The following SLC33A1 variants were observed in gnomAD, a reference collection of about 807,000 sequenced individuals.
SLC33A1 encodes the protein acetyl-coenzyme A transporter 1.
In SLC33A1, 20 loss-of-function variants were observed where a neutral mutation model predicts 50.0. The observed-to-expected ratio is 0.40, with a 90% CI of 0.28 to 0.58. SLC33A1 has a LOEUF of 0.58. SLC33A1 is among the 20% of genes least tolerant of loss of function. The pLI is 0.44. For missense variants in SLC33A1, 476 were observed against 657.0 expected (o/e 0.72, Z 3.01); for synonymous variants, 265 against 251.8 (o/e 1.05, Z -0.50).
intron 1 of SLC33A1, among the ~76,000 whole-genome samples, chr3:155,846,109 T>C (rs1032117676): frequency 2.6e-5 from 4 of 152,232 alleles, no homozygotes; most frequent in African/African-American, 7.2e-5. Context: ...AATTCATTAG[T>C]AACCAATAAA....
At chr3:155,834,764 T>A (rs771093879) in intron 2 of SLC33A1, among the ~76,000 whole-genome samples, 1 of 152,184 alleles carries the variant, frequency 6.6e-6, no homozygotes, top group Non-Finnish European at 1.5e-5. Flanking sequence ...TGGCTTTCAG[T>A]ATAATTCCCT....
In SLC33A1 at chr3:155,853,973, C is replaced by A. The variant is rs973464350; in HGVS notation, c.25G>T (p.Asp9Tyr). 6.5e-7 allele frequency: 1 copy of A among 1,545,564 alleles called. No individual in the cohort carries two copies. Among genetic ancestry groups the A allele is most frequent in the African/African-American group, 1.4e-5 (1 of 72,220 alleles). ...CCTGGCCGCCGTTGCCGGCTGCTGTCCTTGTGGGAGATGGTGGGTGACATA... is the reference window on the plus strand; with the variant it reads ...CCTGGCCGCCGTTGCCGGCTGCTGTACTTGTGGGAGATGGTGGGTGACATA... MSPTISHKDSSRQRRPGNF... is the reference protein window; with the variant it reads MSPTISHKYSSRQRRPGNF... Residue 9 changes from aspartate (D) to tyrosine (Y), a missense_variant, in exon 1 of 6, where the codon GAC becomes TAC. Asp to Tyr is a radical substitution (Grantham distance 160, BLOSUM62 -3). Coordinates refer to ENST00000643144, the MANE Select transcript of SLC33A1 (RefSeq NM_004733.4).
chr3:155,841,454 T>C (rs1036212362), intron 2 of SLC33A1, among the ~76,000 whole-genome samples: 6 of 152,200 alleles, frequency 3.9e-5, no homozygotes, highest in African/African-American at 1.4e-4. Context: ...AAAGTGTTTA[T>C]ATACATAGAT....
chr3:155,847,120 A>T (rs1390998350), intron 1 of SLC33A1, among the ~76,000 whole-genome samples: 1 of 152,088 alleles, frequency 6.6e-6, no homozygotes, highest in African/African-American at 2.4e-5. Context: ...AGGCATGAGA[A>T]TCGCTTGAAT....
chr3:155,837,303 C>A lies in SLC33A1; in HGVS notation c.964-3262G>T, dbSNP rs574418095. Among the ~76,000 whole-genome samples the A allele has an allele frequency of 2.0e-5, 3 of 150,182 alleles. No homozygotes were observed. In the South Asian group the frequency reaches 6.3e-4, roughly 31 times the overall value. ...CCCAGGAGGCAGAGCTTGCAGTGAG[C>A]CGAGATCGCGCCACTGCACTCCAGC... On this transcript the variant is annotated intron_variant, in intron 2 of 5. Coordinates refer to ENST00000643144, the MANE Select transcript of SLC33A1 (RefSeq NM_004733.4).
chr3:155,853,177 C>G, intron 1 of SLC33A1, 46 bp downstream of exon 1: 1 of 1,536,828 alleles, frequency 6.5e-7, no homozygotes, highest in Non-Finnish European at 9.0e-7. Context: ...CACACTCTTT[C>G]AAAAGGATAA....
In SLC33A1 at chr3:155,831,794, T is replaced by C. The variant is rs138453755; in HGVS notation, c.1266+1674A>G. Among the ~76,000 whole-genome samples, 3 of 152,320 alleles carry C rather than the reference T, an allele frequency of 2.0e-5. No homozygotes were observed. The East Asian group carries it at 5.8e-4, about 29-fold the overall frequency. On this transcript the variant is annotated intron_variant, in intron 4 of 5. Coordinates refer to ENST00000643144, the MANE Select transcript of SLC33A1 (RefSeq NM_004733.4). The stretch of plus-strand genomic sequence containing the variant: ...AGAAAAAAAAATTATATTTGACAGT[T>C]TGGCCTCAATAATTTTATAAGCATA...
At position 155,853,676 on chromosome 3, in the gene SLC33A1, C is replaced by G; in HGVS notation, c.322G>C (p.Asp108His). ...ILQSKNVSYT[D>H]QAFFSFVFWP... Reference sequence around the variant, plus strand: ...AAGACAAAACTGAAGAAAGCTTGGTCTGTATAGCTAACATTTTTGCTTTGC... The same window carrying G: ...AAGACAAAACTGAAGAAAGCTTGGTGTGTATAGCTAACATTTTTGCTTTGC... Residue 108 changes from aspartate to histidine, a missense_variant, in exon 1 of 6, where the codon GAC (aspartate) becomes CAC (histidine). By Grantham distance (81) the Asp-to-His change is moderately conservative. Transcript: ENST00000643144. 1 of 1,614,156 alleles carries G rather than the reference C, an allele frequency of 6.2e-7. No homozygotes were observed. Among genetic ancestry groups the G allele is most frequent in the Non-Finnish European group, 8.5e-7 (1 of 1,180,030 alleles).
chr3:155,829,754 A>T lies in SLC33A1; in HGVS notation c.1416T>A (p.Asp472Glu). 1 of 1,614,104 alleles carries T rather than the reference A, an allele frequency of 6.2e-7. No homozygotes were observed. The highest frequency in any genetic ancestry group is 8.5e-7 in the Non-Finnish European group (1 of 1,179,982). ...WPSTVALWLVDPLTVKECVGA... is the reference protein window; with the variant it reads ...WPSTVALWLVEPLTVKECVGA... ...CTACACACTCTTTTACTGTGAGGGG[A>T]TCTACAAGCCAAAGAGCTACTGTAG... is the stretch of plus-strand genomic sequence containing the variant. Residue 472 changes from aspartate to glutamate, a missense_variant, in exon 5 of 6, where the codon GAT (aspartate) becomes GAA (glutamate). Asp to Glu is a conservative substitution (Grantham distance 45, BLOSUM62 2). Transcript: ENST00000643144.
intron 4 of SLC33A1, among the ~76,000 whole-genome samples, chr3:155,831,491 AT>A (rs34884516): frequency 2.1e-5 from 3 of 143,550 alleles, no homozygotes; most frequent in South Asian, 2.2e-4. Context: ...AAAAAAAAAA[AT>A]TTGTTGAAGG....
In SLC33A1 at chr3:155,827,377, T is replaced by A. The variant is rs1450633283; in HGVS notation, c.*833A>T. On this transcript the variant is annotated 3_prime_UTR_variant, in exon 6 of 6. Coordinates refer to ENST00000643144, the MANE Select transcript of SLC33A1 (RefSeq NM_004733.4). Reference sequence around the variant, plus strand: ...TATTTTCAAAATGTTGCCATAAACATACATACAACACTGAATTTGATCCCC... The same window carrying A: ...TATTTTCAAAATGTTGCCATAAACAAACATACAACACTGAATTTGATCCCC... The A allele has an allele frequency of 6.6e-6, 1 of 152,114 alleles. No homozygotes were observed. The highest frequency in any genetic ancestry group is 2.4e-5 in the African/African-American group (1 of 41,434). The allele number at this position is 152,114 out of a possible 1,614,324, so 9.4% of individuals were successfully genotyped here.
In SLC33A1 at chr3:155,825,329, A is replaced by G. The variant is rs1260590474; in HGVS notation, c.*2881T>C. ...CATGCCTGGATAATTAAAAAAAAAA[A>G]AGAAGTCATAAAGACAGGTTCTTAT... On this transcript the variant is annotated 3_prime_UTR_variant, in exon 6 of 6. Coordinates refer to ENST00000643144, the MANE Select transcript of SLC33A1 (RefSeq NM_004733.4). The G allele has an allele frequency of 6.6e-6, 1 of 151,948 alleles. No homozygotes were observed. Among genetic ancestry groups the G allele is most frequent in the Non-Finnish European group, 1.5e-5 (1 of 68,000 alleles). 9.4% of individuals were successfully genotyped at this position (151,948 alleles called of 1,614,324 possible). A position where few individuals can be genotyped will look rare whatever the true frequency, so the allele number is the denominator to read the frequency against.
rs752840869 is a variant in SLC33A1 at position 155,842,583 on chromosome 3, G to A, written c.812C>T (p.Thr271Ile). Residue 271 changes from threonine (T) to isoleucine (I), a missense_variant, in exon 2 of 6, where the codon ACA (threonine) becomes ATA (isoleucine). Coordinates refer to ENST00000643144, the MANE Select transcript of SLC33A1 (RefSeq NM_004733.4). Reference sequence around the variant, plus strand: ...TTTCAGAAGGGCAACCAATGTTGTTGTTATTAAAAATACAGTTCCCCAGAA... The same window carrying A: ...TTTCAGAAGGGCAACCAATGTTGTTATTATTAAAAATACAGTTCCCCAGAA... ...LFFWGTVFLI[T>I]TTLVALLKKE... The A allele has an allele frequency of 6.3e-7, 1 of 1,587,160 alleles. No individual in the cohort carries two copies. Among genetic ancestry groups the A allele is most frequent in the Non-Finnish European group, 8.6e-7 (1 of 1,165,802 alleles).
chr3:155,835,611 T>C lies in SLC33A1; in HGVS notation c.964-1570A>G, dbSNP rs146649150. Among the ~76,000 whole-genome samples, 445 of 152,212 alleles carry C rather than the reference T, an allele frequency of 2.9e-3. 6 individuals are homozygous for C. The highest frequency in any genetic ancestry group is 0.01 in the African/African-American group (428 of 41,540). On this transcript the variant is annotated intron_variant, in intron 2 of 5. Transcript: ENST00000643144. The stretch of plus-strand genomic sequence containing the variant: ...TGTTAGCATGTGTACAGTAAAAAAA[T>C]GGGCAACATGGTGCAGCTCAGGCAG...
At position 155,854,270 on chromosome 3, in the gene SLC33A1, G is replaced by A. The variant is rs770642801; in HGVS notation, c.-273C>T. The stretch of plus-strand genomic sequence containing the variant: ...AAGGAGACCCCCGGGCAGCAGCGCC[G>A]GGCTCGAGGCTGGAGGTGTGTGCCG... On this transcript the variant is annotated 5_prime_UTR_variant, in exon 1 of 6. Coordinates refer to ENST00000643144, the MANE Select transcript of SLC33A1 (RefSeq NM_004733.4). 1.8e-5 allele frequency: 6 copies of A among 339,762 alleles called. No homozygotes were observed. Among genetic ancestry groups the A allele is most frequent in the Non-Finnish European group, 3.2e-5 (6 of 186,354 alleles). The allele number at this position is 339,762 out of a possible 1,614,324, so 21.0% of individuals were successfully genotyped here. A position where few individuals can be genotyped will look rare whatever the true frequency, so the allele number is the denominator to read the frequency against.
chr3:155,837,973 T>C (rs1387718483), intron 2 of SLC33A1, among the ~76,000 whole-genome samples: 1 of 152,188 alleles, frequency 6.6e-6, no homozygotes. Flanking sequence ...TCAGCAATCA[T>C]ATTACATTCA....
intron 5 of SLC33A1, among the ~76,000 whole-genome samples, chr3:155,829,136 A>G (rs145656398): frequency 6.6e-6 from 1 of 152,052 alleles, no homozygotes; most frequent in African/African-American, 2.4e-5. Context: ...TCCTGAGCTC[A>G]GGCAATCCAC....
rs1752081943 is a variant in SLC33A1 at position 155,821,312 on chromosome 3, A to G, written c.*6898T>C. The G allele has an allele frequency of 6.6e-6, 1 of 152,230 alleles. No homozygotes were observed. The allele number at this position is 152,230 out of a possible 1,614,324, so 9.4% of individuals were successfully genotyped here. A position where few individuals can be genotyped will look rare whatever the true frequency, so the allele number is the denominator to read the frequency against. On this transcript the variant is annotated 3_prime_UTR_variant, in exon 6 of 6. Coordinates refer to ENST00000643144, the MANE Select transcript of SLC33A1 (RefSeq NM_004733.4). ...ATTCAAACTTGGACATGGGCACAAT[A>G]ATTTCATAAAGATCTCAACAATGAC...
intron 1 of SLC33A1, chr3:155,844,836 T>C (rs1435895515): frequency 1.3e-5 from 2 of 152,118 alleles, no homozygotes; most frequent in Non-Finnish European, 2.9e-5. Context: ...CAATAATGTA[T>C]TAATAACATT....
Sources: gnomAD v4.1 joint callset for allele counts (sites outside exome capture counted in the v4.1 genomes callset) on GRCh38, gnomAD v4.1.1 for gene constraint, MANE v1.5 for transcripts, NCBI Gene and HGNC (gene_info 2026-07-23, HGNC 2026-07-21) for gene names.